The following SAMD4A variants were observed in gnomAD, a reference collection of about 807,000 sequenced individuals.
SAMD4A encodes sterile alpha motif domain containing 4A, also known as protein Smaug homolog 1.
In SAMD4A, 33 loss-of-function variants were observed where a neutral mutation model predicts 81.3. That is an observed-to-expected ratio of 0.41 (90% CI 0.31 to 0.54). The LOEUF is 0.54. Ranked by LOEUF, SAMD4A falls within the 20% of genes least tolerant of loss-of-function variation. The pLI is 0.37. For missense variants in SAMD4A, 854 were observed against 951.1 expected (o/e 0.90, Z 1.34); for synonymous variants, 389 against 382.1 (o/e 1.02, Z -0.21).
intron 2 of SAMD4A, among the ~76,000 whole-genome samples, chr14:54,626,053 T>C (rs867924770): frequency 3.7e-3 from 439 of 120,098 alleles, no homozygotes; most frequent in East Asian, 0.015. Flanking sequence ...TGTGTGTGTG[T>C]GTGTGTGCGC....
chr14:54,715,632 C>T (rs759946999), intron 3 of SAMD4A, among the ~76,000 whole-genome samples: 6 of 152,046 alleles, frequency 3.9e-5, no homozygotes, highest in Non-Finnish European at 8.8e-5. Context: ...TTGAAGTAAG[C>T]ACCATATTAA....
chr14:54,644,643 G>A (rs1027146323), intron 2 of SAMD4A, among the ~76,000 whole-genome samples: 2 of 152,094 alleles, frequency 1.3e-5, no homozygotes, highest in East Asian at 1.9e-4. Context: ...CATGGCCCTC[G>A]GTAAGGGAAG....
At chr14:54,690,418 T>C (rs1157830657) in intron 2 of SAMD4A, among the ~76,000 whole-genome samples, 1 of 152,122 alleles carries the variant, frequency 6.6e-6, no homozygotes, top group Non-Finnish European at 1.5e-5. Flanking sequence ...ATAGTGATAA[T>C]AGACTAAGCT....
chr14:54,759,043 A>G (rs1229759541), intron 6 of SAMD4A, among the ~76,000 whole-genome samples: 1 of 152,192 alleles, frequency 6.6e-6, no homozygotes, highest in Non-Finnish European at 1.5e-5. Flanking sequence ...ATAGAGAAAA[A>G]TATCTATCAG....
chr14:54,736,006 A>C (rs555040842), intron 3 of SAMD4A, among the ~76,000 whole-genome samples: 1 of 152,344 alleles, frequency 6.6e-6, no homozygotes, highest in Admixed American at 6.5e-5. Context: ...CAGTCAAAAT[A>C]AACTGGACCT....
chr14:54,762,923 A>C (rs1222274485), intron 7 of SAMD4A, among the ~76,000 whole-genome samples: 9 of 149,564 alleles, frequency 6.0e-5, no homozygotes, highest in African/African-American at 2.2e-4. Flanking sequence ...GGCGCGATCT[A>C]GGCTTACTGC....
chr14:54,766,100 A>T (rs188306280), intron 8 of SAMD4A, among the ~76,000 whole-genome samples: 2 of 152,022 alleles, frequency 1.3e-5, no homozygotes, highest in African/African-American at 4.8e-5. Context: ...TCCCTCTTTA[A>T]TGGCTTCCCT....
At chr14:54,606,183 C>CTGTGTGTGTGTGTGTGTGTGTGTGTGTG (rs57209362) in intron 2 of SAMD4A, among the ~76,000 whole-genome samples, 1 of 146,570 alleles carries the variant, frequency 6.8e-6, no homozygotes, top group East Asian at 2.0e-4. Flanking sequence ...TACTTCTGGG[C>CTGTGTGTGTGTGTGTGTGTGTGTGTGTG]TGTGTGTGTG....
intron 2 of SAMD4A, among the ~76,000 whole-genome samples, chr14:54,637,581 G>A (rs2035067242): frequency 6.6e-6 from 1 of 152,100 alleles, no homozygotes; most frequent in Admixed American, 6.5e-5. Flanking sequence ...AGAGACCTGG[G>A]AGTCCGCACC....
intron 3 of SAMD4A, among the ~76,000 whole-genome samples, chr14:54,705,558 G>T (rs1426772910): frequency 7.3e-6 from 1 of 137,402 alleles, no homozygotes; most frequent in Non-Finnish European, 1.6e-5. Context: ...CAGAAGGCCA[G>T]CCACCTCCTT....
chr14:54,690,667 G>A (rs2036410192), intron 2 of SAMD4A, among the ~76,000 whole-genome samples: 2 of 152,162 alleles, frequency 1.3e-5, no homozygotes, highest in African/African-American at 4.8e-5. Flanking sequence ...CATTGAAAAG[G>A]ACAGATCCTA....
At chr14:54,784,682 C>A in intron 12 of SAMD4A, 62 bp downstream of exon 12, 1 of 1,423,048 alleles carries the variant, frequency 7.0e-7, no homozygotes, top group Non-Finnish European at 9.9e-7. Context: ...GAGAACTGGC[C>A]ATCTGCTGTC....
intron 3 of SAMD4A, among the ~76,000 whole-genome samples, chr14:54,721,896 C>T (rs2037271347): frequency 6.6e-6 from 1 of 152,180 alleles, no homozygotes; most frequent in Non-Finnish European, 1.5e-5. Flanking sequence ...GAAATAGTGA[C>T]ATCCTTGTGA....
At chr14:54,589,314 T>C (rs987953012) in intron 2 of SAMD4A, among the ~76,000 whole-genome samples, 1 of 152,200 alleles carries the variant, frequency 6.6e-6, no homozygotes, top group Non-Finnish European at 1.5e-5. Flanking sequence ...GATAGTTCTC[T>C]GATTCACAGA....
intron 3 of SAMD4A, among the ~76,000 whole-genome samples, chr14:54,712,693 T>C (rs922738463): frequency 1.3e-5 from 2 of 152,164 alleles, no homozygotes; most frequent in African/African-American, 4.8e-5. Context: ...AGCCTGCTAG[T>C]TGATCATGTG....
chr14:54,702,788 A>G (rs1566593976), intron 3 of SAMD4A: 1 of 594,516 alleles, frequency 1.7e-6, no homozygotes, highest in Non-Finnish European at 2.9e-6. Flanking sequence ...GGTAAAAGTG[A>G]CTGATGGTCC....
At chr14:54,711,196 A>G (rs1766955509) in intron 3 of SAMD4A, among the ~76,000 whole-genome samples, 1 of 152,216 alleles carries the variant, frequency 6.6e-6, no homozygotes, top group Non-Finnish European at 1.5e-5. Flanking sequence ...AATTCACTAA[A>G]TATTTGGTGA....
intron 2 of SAMD4A, among the ~76,000 whole-genome samples, chr14:54,581,594 A>G (rs140315794): frequency 2.6e-5 from 4 of 152,330 alleles, no homozygotes; most frequent in Non-Finnish European, 5.9e-5. Flanking sequence ...TGTCCATGCT[A>G]AAGAATTTCT....
intron 4 of SAMD4A, among the ~76,000 whole-genome samples, chr14:54,742,898 G>A (rs1287067832): frequency 6.6e-6 from 1 of 152,220 alleles, no homozygotes; most frequent in African/African-American, 2.4e-5. Flanking sequence ...TTTCTAAGGA[G>A]ACTTTCGTTA....
Sources: gnomAD v4.1 joint callset for allele counts (sites outside exome capture counted in the v4.1 genomes callset) on GRCh38, gnomAD v4.1.1 for gene constraint, MANE v1.5 for transcripts, NCBI Gene and HGNC (gene_info 2026-07-23, HGNC 2026-07-21) for gene names.